The following ADCY8 variants were observed in gnomAD, a reference collection of about 807,000 sequenced individuals.
The protein encoded by ADCY8 is adenylate cyclase type 8.
A neutral mutation model predicts 119.7 loss-of-function variants in ADCY8; 51 were observed. That is an observed-to-expected ratio of 0.43 (90% confidence interval 0.34 to 0.54). ADCY8 has a LOEUF of 0.54. Among genes scored for constraint, ADCY8 ranks in the 20% least tolerant of loss-of-function variants. ADCY8 has a pLI of 0.03. For missense variants in ADCY8, 1,383 were observed against 1,598.8 expected (o/e 0.87, Z 2.30); for synonymous variants, 665 against 651.0 (o/e 1.02, Z -0.33).
At chr8:130,927,414 T>C (rs915616280) in intron 5 of ADCY8, among the ~76,000 whole-genome samples, 11 of 152,196 alleles carry the variant, frequency 7.2e-5, no homozygotes, top group Admixed American at 6.5e-4. Flanking sequence ...TATATTCAGG[T>C]CCTTTGCCCA....
At chr8:130,938,830 T>A (rs978761750) in intron 4 of ADCY8, among the ~76,000 whole-genome samples, 6 of 152,172 alleles carry the variant, frequency 3.9e-5, no homozygotes, top group African/African-American at 1.4e-4. Context: ...CATCCCAGGA[T>A]TATTTTTAGG....
intron 11 of ADCY8, among the ~76,000 whole-genome samples, chr8:130,842,908 C>T (rs149599300): frequency 0.012 from 1,743 of 150,578 alleles, 25 homozygotes; most frequent in Middle Eastern, 0.031. Flanking sequence ...CAAATATACT[C>T]AGTCAAATCT....
chr8:130,898,559 T>A (rs1819487559), intron 7 of ADCY8, among the ~76,000 whole-genome samples: 1 of 152,200 alleles, frequency 6.6e-6, no homozygotes, highest in Non-Finnish European at 1.5e-5. Flanking sequence ...TCCATATGAC[T>A]CTTTCAAAAG....
chr8:131,024,776 A>C (rs1341204355), intron 1 of ADCY8, among the ~76,000 whole-genome samples: 1 of 152,242 alleles, frequency 6.6e-6, no homozygotes, highest in Admixed American at 6.5e-5. Context: ...CACTAGGAGA[A>C]ATTAAATATT....
chr8:130,920,144 TAAA>T (rs71304399), intron 5 of ADCY8, among the ~76,000 whole-genome samples: 1 of 99,808 alleles, frequency 1.0e-5, no homozygotes, highest in Non-Finnish European at 1.9e-5. Flanking sequence ...CTCCGTTTCT[TAAA>T]AAAAAAAAAA....
intron 12 of ADCY8, among the ~76,000 whole-genome samples, chr8:130,821,807 G>A (rs993230299): frequency 7.9e-5 from 12 of 152,096 alleles, no homozygotes; most frequent in African/African-American, 2.7e-4. Context: ...CTTATACTGG[G>A]CCAGGCACAG....
At chr8:130,990,799 CCTG>C in intron 1 of ADCY8, 1 of 286,814 alleles carries the variant, frequency 3.5e-6, no homozygotes, top group Non-Finnish European at 6.4e-6. Context: ...TCATGGGAAA[CCTG>C]CTGTGAAAAA....
intron 1 of ADCY8, among the ~76,000 whole-genome samples, chr8:130,991,157 C>A (rs774521448): frequency 6.6e-6 from 1 of 152,104 alleles, no homozygotes; most frequent in Non-Finnish European, 1.5e-5. Flanking sequence ...TTTTCATTTG[C>A]CCCCCTTCTA....
At chr8:130,960,777 A>G (rs374093425) in intron 2 of ADCY8, among the ~76,000 whole-genome samples, 13 of 152,070 alleles carry the variant, frequency 8.5e-5, no homozygotes, top group African/African-American at 3.1e-4. Flanking sequence ...GGATGGGACA[A>G]TGGCCCAGGA....
chr8:130,788,883 TCAAA>T (rs2130062999), intron 15 of ADCY8, among the ~76,000 whole-genome samples: 1 of 152,196 alleles, frequency 6.6e-6, no homozygotes, highest in African/African-American at 2.4e-5. Context: ...ATGATAAATC[TCAAA>T]CAAATTACAC....
chr8:130,992,413 A>T (rs1394026548), intron 1 of ADCY8, among the ~76,000 whole-genome samples: 1 of 125,070 alleles, frequency 8.0e-6, no homozygotes, highest in African/African-American at 3.4e-5. Context: ...ATATATATAT[A>T]TATATATATA....
At chr8:130,801,624 T>A (rs1815780394) in intron 14 of ADCY8, among the ~76,000 whole-genome samples, 1 of 152,184 alleles carries the variant, frequency 6.6e-6, no homozygotes, top group Non-Finnish European at 1.5e-5. Context: ...TAGGTTCTCT[T>A]CCTCCTTGTT....
chr8:131,027,657 A>G (rs113045610), intron 1 of ADCY8, among the ~76,000 whole-genome samples: 2,122 of 152,292 alleles, frequency 0.014, 33 homozygotes, highest in African/African-American at 0.03. Context: ...GGCTGCCTCA[A>G]TGGAGGTATC....
At chr8:130,906,180 C>T (rs1819778035) in intron 6 of ADCY8, among the ~76,000 whole-genome samples, 1 of 152,180 alleles carries the variant, frequency 6.6e-6, no homozygotes, top group Admixed American at 6.5e-5. Context: ...TTTGTTAATA[C>T]ATATGAACTC....
chr8:130,937,244 G>T, intron 4 of ADCY8, 44 bp from the exon 5 acceptor site: 1 of 1,586,558 alleles, frequency 6.3e-7, no homozygotes, highest in African/African-American at 1.3e-5. Context: ...GTCAGCAGAA[G>T]GATCAGTTCT....
At chr8:130,888,986 G>T (rs932241432) in intron 7 of ADCY8, among the ~76,000 whole-genome samples, 31 of 152,062 alleles carry the variant, frequency 2.0e-4, no homozygotes, top group African/African-American at 7.2e-4. Context: ...ACCATTTCAG[G>T]TCTTAGGGAT....
chr8:130,954,998 C>T (rs951845871), intron 2 of ADCY8, among the ~76,000 whole-genome samples: 1 of 152,148 alleles, frequency 6.6e-6, no homozygotes, highest in Non-Finnish European at 1.5e-5. Flanking sequence ...AGGGTTCAAA[C>T]ATTTATTTAT....
chr8:131,039,474 A>C lies in ADCY8; in HGVS notation c.860T>G (p.Leu287Arg), dbSNP rs140863296. 2.5e-6 allele frequency: 4 copies of C among 1,614,100 alleles called. No individual in the cohort carries two copies. Among genetic ancestry groups the C allele is most frequent in the Non-Finnish European group, 3.4e-6 (4 of 1,180,034 alleles). ...TLFATYSMLP[L>R]PLTWAILAGL... ...GGCCAGGATGGCCCAGGTGAGCGGC[A>C]GCGGCAGCATACTGTAGGTGGCGAA... The change falls in exon 1 of 18, where the codon CTG becomes CGG. Residue 287 changes from leucine to arginine, a missense_variant. Physicochemically the swap from Leu to Arg is moderately radical, Grantham distance 102. Around this residue, in one of 2 missense-constraint regions of ADCY8, gnomAD observed 455 missense variants for 435.3 expected, o/e 1.05. Coordinates refer to ENST00000286355, the MANE Select transcript of ADCY8 (RefSeq NM_001115.3).
At chr8:130,833,444 TGA>T (rs1028329627) in intron 12 of ADCY8, among the ~76,000 whole-genome samples, 1 of 152,160 alleles carries the variant, frequency 6.6e-6, no homozygotes, top group Non-Finnish European at 1.5e-5. Flanking sequence ...GCAATGAACA[TGA>T]GAGAGCAATC....
Sources: allele counts gnomAD v4.1 joint callset (sites outside exome capture counted in the v4.1 genomes callset), GRCh38; gene constraint gnomAD v4.1.1; regional missense constraint gnomAD v4.1.1; transcripts MANE v1.5; gene names NCBI Gene and HGNC (gene_info 2026-07-23, HGNC 2026-07-21).